Variants in INPP4B observed in about 807,000 individuals in gnomAD.
The protein encoded by INPP4B is inositol polyphosphate-4-phosphatase type II B.
Under a neutral mutation model 122.5 loss-of-function variants are expected in INPP4B, and 55 were observed. The ratio of observed to expected loss-of-function variants is 0.45; its 90% CI spans 0.36 to 0.56. The LOEUF (loss-of-function observed/expected upper bound fraction) is 0.56. Ranked by LOEUF, INPP4B falls within the 20% of genes least tolerant of loss-of-function variation. The pLI, the probability that INPP4B is intolerant of heterozygous loss-of-function variation, is 0.00. For synonymous variants in INPP4B, 403 were observed against 388.7 expected (o/e 1.04, Z -0.43); for missense variants, 1,000 against 1,097.7 (o/e 0.91, Z 1.26).
intron 2 of INPP4B, among the ~76,000 whole-genome samples, chr4:142,544,200 C>T (rs930468160): frequency 2.0e-5 from 3 of 146,894 alleles, no homozygotes; most frequent in Non-Finnish European, 4.5e-5. Flanking sequence ...CCTGTAAAGT[C>T]TACAGGATAA....
At chr4:142,204,110 A>G (rs1486657211) in intron 14 of INPP4B, among the ~76,000 whole-genome samples, 1 of 152,140 alleles carries the variant, frequency 6.6e-6, no homozygotes, top group Non-Finnish European at 1.5e-5. Context: ...AGGTCAAATA[A>G]CATGGTTAAA....
intron 1 of INPP4B, among the ~76,000 whole-genome samples, chr4:142,763,817 CT>C (rs959954849): frequency 6.6e-6 from 1 of 151,850 alleles, no homozygotes; most frequent in Non-Finnish European, 1.5e-5. Context: ...ACAAATTTTG[CT>C]TTGTAAAAAT....
intron 2 of INPP4B, among the ~76,000 whole-genome samples, chr4:142,633,615 AG>A (rs374512433): frequency 1.1e-4 from 16 of 152,288 alleles, no homozygotes; most frequent in African/African-American, 3.6e-4. Flanking sequence ...GAAAGGAAAA[AG>A]ACCGAAAGCA....
intron 7 of INPP4B, among the ~76,000 whole-genome samples, chr4:142,337,356 G>T (rs1159635875): frequency 6.6e-6 from 1 of 151,830 alleles, no homozygotes; most frequent in African/African-American, 2.4e-5. Flanking sequence ...CATCTTTAGA[G>T]ATTACATCTA....
intron 7 of INPP4B, among the ~76,000 whole-genome samples, chr4:142,320,331 C>T (rs1202591855): frequency 1.3e-5 from 2 of 152,128 alleles, no homozygotes; most frequent in African/African-American, 2.4e-5. Context: ...AAATGCTATC[C>T]TATCACAGTA....
intron 1 of INPP4B, among the ~76,000 whole-genome samples, chr4:142,835,395 G>A (rs556167785): frequency 1.2e-4 from 18 of 152,176 alleles, no homozygotes; most frequent in African/African-American, 3.4e-4. Context: ...AAATTTGTTC[G>A]TATACCAAGG....
At chr4:142,303,479 C>T (rs1168349119) in intron 9 of INPP4B, among the ~76,000 whole-genome samples, 2 of 152,010 alleles carry the variant, frequency 1.3e-5, no homozygotes, top group Non-Finnish European at 2.9e-5. Flanking sequence ...AACAAAAATG[C>T]TTCTTAAGGC....
In INPP4B at chr4:142,045,277, G is replaced by A. The variant is rs575864336; in HGVS notation, c.2643-16363C>T. Among the ~76,000 whole-genome samples the A allele has an allele frequency of 6.6e-5, 10 of 152,124 alleles. No homozygotes were observed. In the South Asian group the frequency reaches 1.0e-3, roughly 16 times the overall value. ...GAACATATACACAAACAAACACAACGCTACTAATTAGGAACATTTTATTAA... is the reference window on the plus strand; with the variant it reads ...GAACATATACACAAACAAACACAACACTACTAATTAGGAACATTTTATTAA... On this transcript the variant is annotated intron_variant, in intron 25 of 25. Transcript: ENST00000262992.
chr4:142,709,859 G>A (rs1029541543), intron 2 of INPP4B, among the ~76,000 whole-genome samples: 1 of 152,134 alleles, frequency 6.6e-6, no homozygotes, highest in Non-Finnish European at 1.5e-5. Context: ...TTCCTTTCAA[G>A]TTTATTCTTC....
chr4:142,419,759 C>T (rs745795918), intron 5 of INPP4B, among the ~76,000 whole-genome samples: 3 of 152,098 alleles, frequency 2.0e-5, no homozygotes, highest in East Asian at 1.9e-4. Context: ...GTCCCCATGG[C>T]GTGGTCCCCA....
At chr4:142,512,874 G>A (rs1223523428) in intron 2 of INPP4B, among the ~76,000 whole-genome samples, 1 of 152,034 alleles carries the variant, frequency 6.6e-6, no homozygotes, top group Non-Finnish European at 1.5e-5. Flanking sequence ...AAAAGCACAA[G>A]AGAAAATTAC....
At position 142,688,476 on chromosome 4, in the gene INPP4B, A is replaced by G. The variant is rs1016128852; in HGVS notation, c.-191+37363T>C. Among the ~76,000 whole-genome samples the G allele has an allele frequency of 1.4e-4, 22 of 152,114 alleles. 1 individual carries two copies. Among genetic ancestry groups the G allele is most frequent in the African/African-American group, 4.6e-4 (19 of 41,442 alleles). ...TCAAGACCCAACCAAAAATCCTCCC[A>G]TATCCTTTCCTGTCTCCTACATGCC... On this transcript the variant is annotated intron_variant, in intron 2 of 25. Transcript: ENST00000262992.
chr4:142,640,214 A>T, intron 2 of INPP4B, among the ~76,000 whole-genome samples: 1 of 152,292 alleles, frequency 6.6e-6, no homozygotes, highest in South Asian at 2.1e-4. Flanking sequence ...ATTTAGAAAC[A>T]TAAATGAAAA....
chr4:142,515,437 GC>G (rs202018203), intron 2 of INPP4B, among the ~76,000 whole-genome samples: 13 of 152,106 alleles, frequency 8.5e-5, no homozygotes, highest in Non-Finnish European at 1.6e-4. Context: ...CTCATTAAAT[GC>G]CTTTTTTTTC....
chr4:142,348,174 G>A (rs1212361702), intron 7 of INPP4B, among the ~76,000 whole-genome samples: 1 of 151,966 alleles, frequency 6.6e-6, no homozygotes, highest in Non-Finnish European at 1.5e-5. Flanking sequence ...AACGGCATTA[G>A]AGCTGAAGAG....
chr4:142,159,346 G>A (rs1818867196), intron 17 of INPP4B, among the ~76,000 whole-genome samples: 1 of 151,800 alleles, frequency 6.6e-6, no homozygotes, highest in Non-Finnish European at 1.5e-5. Flanking sequence ...TGGGAGAAAT[G>A]CAATTTTAAT....
chr4:142,601,507 T>C (rs1464912391), intron 2 of INPP4B, among the ~76,000 whole-genome samples: 3 of 143,912 alleles, frequency 2.1e-5, no homozygotes, highest in East Asian at 4.1e-4. Context: ...TAAATAAAAA[T>C]GGAAACATGA....
At chr4:142,211,810 ATACTC>A (rs1255983501) in intron 12 of INPP4B, among the ~76,000 whole-genome samples, 1 of 152,194 alleles carries the variant, frequency 6.6e-6, no homozygotes, top group African/African-American at 2.4e-5. Context: ...TGGAGAAACA[ATACTC>A]TAATGGAGAT....
intron 2 of INPP4B, among the ~76,000 whole-genome samples, chr4:142,722,488 A>C (rs1764816812): frequency 6.6e-6 from 1 of 152,210 alleles, no homozygotes; most frequent in Admixed American, 6.5e-5. Context: ...TATAGTTCTG[A>C]GAGTTTCAAA....
Sources: allele counts gnomAD v4.1 joint callset (sites outside exome capture counted in the v4.1 genomes callset), GRCh38; gene constraint gnomAD v4.1.1; transcripts MANE v1.5; gene names NCBI Gene and HGNC (gene_info 2026-07-23, HGNC 2026-07-21).